IL21R: variants seen among roughly 807,000 people sequenced by gnomAD.
The protein encoded by IL21R is interleukin-21 receptor.
IL21R carries 14 observed loss-of-function variants against 41.3 expected under a neutral mutation model. The observed-to-expected ratio is 0.34, with a 90% CI of 0.22 to 0.53. The LOEUF (loss-of-function observed/expected upper bound fraction) is 0.53. Ranked by LOEUF, IL21R falls within the 20% of genes least tolerant of loss-of-function variation. The probability of loss-of-function intolerance (pLI) is 0.94; values close to 1 mark genes in which losing one functional copy is unlikely to be tolerated. For synonymous variants in IL21R, 286 were observed against 287.6 expected, an observed-to-expected ratio of 0.99 and a Z score of 0.05; for missense variants, 588 against 681.6, an observed-to-expected ratio of 0.86 and a Z score of 1.53.
chr16:27,450,364 A>AG lies in IL21R; in HGVS notation c.*1086dup, dbSNP rs764903541. 4.3e-6 allele frequency: 1 copy of AG among 231,398 alleles called. No homozygotes were observed. Among genetic ancestry groups the AG allele is most frequent in the Non-Finnish European group, 8.6e-6 (1 of 116,940 alleles). 14.3% of individuals were successfully genotyped at this position (231,398 alleles called of 1,614,324 possible). A position where few individuals can be genotyped will look rare whatever the true frequency, so the allele number is the denominator to read the frequency against. ...GACCCACCCCCCGTGGCACTCATGG[A>AG]GGGGGCTGCAGGTTGGAACTATGCA... On this transcript the variant is annotated 3_prime_UTR_variant, in exon 9 of 9. Coordinates refer to ENST00000337929, the MANE Select transcript of IL21R (RefSeq NM_181078.3).
rs370088512 is a variant in IL21R at position 27,449,030 on chromosome 16, A to T, written c.1364A>T (p.Asp455Val). Residue 455 changes from aspartate (D) to valine (V), a missense_variant, in exon 9 of 9, where the codon GAT becomes GTT. Transcript: ENST00000337929. ...GACAGACTAAAGCCACCCCTTGCAG[A>T]TGGGGAGGACTGGGCTGGGGGACTG... The part of the protein sequence containing the change: ...LLDRLKPPLA[D>V]GEDWAGGLPW... 26 of 1,612,042 alleles carry T rather than the reference A, an allele frequency of 1.6e-5. No individual in the cohort carries two copies. The highest frequency in any genetic ancestry group is 2.2e-5 in the Non-Finnish European group (26 of 1,179,564).
At chr16:27,443,926 C>G (rs1034452827) in intron 5 of IL21R, 1 of 151,974 alleles carries the variant, frequency 6.6e-6, no homozygotes, top group African/African-American at 2.4e-5. Flanking sequence ...AATGATAGAA[C>G]AGTCACAGCT....
intron 8 of IL21R, among the ~76,000 whole-genome samples, chr16:27,447,289 C>T (rs1016789273): frequency 5.3e-5 from 8 of 151,778 alleles, no homozygotes; most frequent in Non-Finnish European, 1.0e-4. Flanking sequence ...TTAATCCTCA[C>T]GACGGCCCTA....
At chr16:27,405,157 C>T (rs528494357) in intron 1 of IL21R, among the ~76,000 whole-genome samples, 13 of 152,034 alleles carry the variant, frequency 8.6e-5, no homozygotes, top group Non-Finnish European at 1.8e-4. Flanking sequence ...CTCAGCCTCC[C>T]GAGTAGCTGG....
At chr16:27,433,467 CA>C (rs2087210107) in intron 2 of IL21R, among the ~76,000 whole-genome samples, 1 of 152,032 alleles carries the variant, frequency 6.6e-6, no homozygotes, top group Non-Finnish European at 1.5e-5. Flanking sequence ...GATCCTATCT[CA>C]AAAAGAGGTG....
chr16:27,430,899 G>A (rs909017624), intron 2 of IL21R, among the ~76,000 whole-genome samples: 2 of 152,226 alleles, frequency 1.3e-5, no homozygotes, highest in African/African-American at 4.8e-5. Flanking sequence ...GCTGGGGACA[G>A]GAGGAAGAGC....
intron 5 of IL21R, among the ~76,000 whole-genome samples, chr16:27,443,590 C>T (rs1420100559): frequency 6.6e-6 from 1 of 152,108 alleles, no homozygotes; most frequent in East Asian, 1.9e-4. Flanking sequence ...TGAGACCAGC[C>T]AGGGCAACAT....
At chr16:27,409,732 G>C (rs2086799197) in intron 1 of IL21R, among the ~76,000 whole-genome samples, 1 of 151,966 alleles carries the variant, frequency 6.6e-6, no homozygotes, top group Non-Finnish European at 1.5e-5. Flanking sequence ...GTTTTTCCTT[G>C]CAACAATGCC....
chr16:27,432,327 T>C (rs2087188742), intron 2 of IL21R, among the ~76,000 whole-genome samples: 1 of 152,194 alleles, frequency 6.6e-6, no homozygotes, highest in Admixed American at 6.5e-5. Flanking sequence ...GAGAAGCAGT[T>C]TTGAGTCACA....
intron 1 of IL21R, among the ~76,000 whole-genome samples, 157 bp from the exon 2 acceptor site, chr16:27,429,899 T>C (rs1199502610): frequency 1.3e-5 from 2 of 151,868 alleles, no homozygotes; most frequent in Admixed American, 6.6e-5. Flanking sequence ...GAGGTGGGAG[T>C]TCTTGGGGTC....
At chr16:27,433,052 G>A (rs1217109896) in intron 2 of IL21R, among the ~76,000 whole-genome samples, 1 of 152,120 alleles carries the variant, frequency 6.6e-6, no homozygotes, top group Non-Finnish European at 1.5e-5. Context: ...AGTATTCTTG[G>A]CTCCGCATAT....
At position 27,450,174 on chromosome 16, in the gene IL21R, G is replaced by T. The variant is rs1282717486; in HGVS notation, c.*891G>T. The stretch of plus-strand genomic sequence containing the variant: ...GTCCCGCCTGCAGAGGGCCACTCGG[G>T]GGGGTTTCCAGGCTTAAAATCAGTC... On this transcript the variant is annotated 3_prime_UTR_variant, in exon 9 of 9. Transcript: ENST00000337929. 4.3e-6 allele frequency: 1 copy of T among 233,076 alleles called. No individual in the cohort carries two copies. The highest frequency in any genetic ancestry group is 8.5e-6 in the Non-Finnish European group (1 of 117,910). 14.4% of individuals were successfully genotyped at this position (233,076 alleles called of 1,614,324 possible). A position where few individuals can be genotyped will look rare whatever the true frequency, so the allele number is the denominator to read the frequency against.
chr16:27,421,442 A>G (rs1314322335), intron 1 of IL21R, among the ~76,000 whole-genome samples: 2 of 151,662 alleles, frequency 1.3e-5, no homozygotes, highest in African/African-American at 2.4e-5. Flanking sequence ...AAGTTTTCCA[A>G]TCTATGAACA....
At chr16:27,418,510 A>AG (rs1170881922) in intron 1 of IL21R, among the ~76,000 whole-genome samples, 10 of 152,246 alleles carry the variant, frequency 6.6e-5, no homozygotes, top group African/African-American at 2.4e-4. Flanking sequence ...CTGGGACTAC[A>AG]GGTGCGCGCC....
At chr16:27,434,263 C>A in intron 2 of IL21R, 84 bp from the exon 3 acceptor site, 1 of 886,378 alleles carries the variant, frequency 1.1e-6, no homozygotes, top group South Asian at 1.4e-5. Context: ...CCCATTCTTC[C>A]TCCAGCCCTC....
chr16:27,445,885 C>A, intron 7 of IL21R, 122 bp from the exon 8 acceptor site: 1 of 628,680 alleles, frequency 1.6e-6, no homozygotes, highest in Non-Finnish European at 2.7e-6. Context: ...AGGAGGGAGG[C>A]GCCTGGGCTG....
chr16:27,443,180 C>T, intron 5 of IL21R, 64 bp downstream of exon 5: 9 of 1,345,574 alleles, frequency 6.7e-6, no homozygotes, highest in Non-Finnish European at 9.2e-6. Flanking sequence ...AGTGCAAAGG[C>T]ATCTGGGTGG....
intron 1 of IL21R, chr16:27,427,181 G>A (rs954526191): frequency 2.7e-6 from 1 of 369,064 alleles, no homozygotes; most frequent in Non-Finnish European, 3.8e-6. Context: ...CAGACAGATG[G>A]GGTGTTTTGA....
intron 1 of IL21R, among the ~76,000 whole-genome samples, chr16:27,411,215 G>A (rs2141260778): frequency 6.6e-6 from 1 of 151,772 alleles, no homozygotes; most frequent in African/African-American, 2.4e-5. Flanking sequence ...ATTTTTTAAA[G>A]TTTCGCATCA....
Sources: allele counts gnomAD v4.1 joint callset (sites outside exome capture counted in the v4.1 genomes callset), GRCh38; gene constraint gnomAD v4.1.1; transcripts MANE v1.5; gene names NCBI Gene and HGNC (gene_info 2026-07-23, HGNC 2026-07-21).